Variants in MDGA2 observed in about 807,000 individuals in gnomAD.
MDGA2 encodes the protein MAM domain containing glycosylphosphatidylinositol anchor 2.
In MDGA2, 40 loss-of-function variants were observed where a neutral mutation model predicts 117.8. The ratio of observed to expected loss-of-function variants is 0.34; its 90% confidence interval spans 0.26 to 0.44. The LOEUF (loss-of-function observed/expected upper bound fraction) is 0.44. Among genes scored for constraint, MDGA2 ranks in the 20% least tolerant of loss-of-function variants. The probability of loss-of-function intolerance (pLI) is 1.00; values close to 1 mark genes in which losing one functional copy is unlikely to be tolerated. For synonymous variants in MDGA2, 452 were observed against 439.0 expected, an observed-to-expected ratio of 1.03 and a Z score of -0.37; for missense variants, 1,123 against 1,250.6, an observed-to-expected ratio of 0.90 and a Z score of 1.54.
intron 2 of MDGA2, among the ~76,000 whole-genome samples, chr14:47,221,840 T>C (rs1045681838): frequency 6.6e-6 from 1 of 151,906 alleles, no homozygotes; most frequent in African/African-American, 2.4e-5. Flanking sequence ...GGCAAATATA[T>C]ATATGTGTGT....
intron 8 of MDGA2, among the ~76,000 whole-genome samples, chr14:46,967,826 A>C (rs1886096177): frequency 6.6e-6 from 1 of 152,256 alleles, no homozygotes; most frequent in East Asian, 1.9e-4. Flanking sequence ...TAAGAGATGG[A>C]CAGCAATAAC....
intron 15 of MDGA2, among the ~76,000 whole-genome samples, chr14:46,848,342 C>G (rs1157100611): frequency 6.6e-6 from 1 of 151,914 alleles, no homozygotes; most frequent in Non-Finnish European, 1.5e-5. Flanking sequence ...ATTGCTTTCA[C>G]TTAGTAAGTT....
At chr14:46,955,460 T>C (rs754451307) in intron 9 of MDGA2, among the ~76,000 whole-genome samples, 2 of 152,100 alleles carry the variant, frequency 1.3e-5, no homozygotes, top group Non-Finnish European at 2.9e-5. Context: ...TAGTTAATTA[T>C]CTTTAACATG....
At chr14:47,632,050 T>A (rs1270583702) in intron 1 of MDGA2, among the ~76,000 whole-genome samples, 1 of 152,140 alleles carries the variant, frequency 6.6e-6, no homozygotes, top group African/African-American at 2.4e-5. Flanking sequence ...CACCTATGCA[T>A]GGACATGAAA....
chr14:46,864,760 A>G (rs911396823), intron 14 of MDGA2, among the ~76,000 whole-genome samples: 2 of 151,968 alleles, frequency 1.3e-5, no homozygotes, highest in African/African-American at 4.8e-5. Context: ...CTTAATATCA[A>G]CTATTATCAA....
intron 8 of MDGA2, among the ~76,000 whole-genome samples, chr14:46,985,784 G>A (rs1027872338): frequency 6.6e-6 from 1 of 152,002 alleles, no homozygotes; most frequent in African/African-American, 2.4e-5. Context: ...CACTTTTACG[G>A]ACCTTACATA....
intron 1 of MDGA2, among the ~76,000 whole-genome samples, chr14:47,599,005 TAGTAGAA>T (rs1348353822): frequency 6.6e-6 from 1 of 152,106 alleles, no homozygotes; most frequent in Non-Finnish European, 1.5e-5. Flanking sequence ...ATACCTAGTT[TAGTAGAA>T]AGTGTCTGAG....
In MDGA2 at chr14:47,609,428, C is replaced by CATATATATATATATACATAT. The variant is rs1555336022; in HGVS notation, c.280+65088_280+65089insATATGTATATATATATATAT. 2.0e-3 allele frequency among the ~76,000 whole-genome samples: 35 copies of CATATATATATATATACATAT among 17,564 alleles called. 2 individuals are homozygous for CATATATATATATATACATAT. The highest frequency in any genetic ancestry group is 0.011 in the East Asian group (2 of 190). 11.5% of individuals were successfully genotyped at this position (17,564 alleles called of 152,430 possible). ...TTTCTATGGCTGAGTAGTATTCCAT[C>CATATATATATATATACATAT]ATATATATATATATATATATATATA... On this transcript the variant is annotated intron_variant, in intron 1 of 16. Transcript: ENST00000399232.
At chr14:46,996,463 C>T (rs1037663593) in intron 8 of MDGA2, 1 of 152,204 alleles carries the variant, frequency 6.6e-6, no homozygotes, top group Non-Finnish European at 1.5e-5. Flanking sequence ...GCAGAGTCCT[C>T]TGGGGCTTTG....
chr14:47,217,741 T>C (rs1594730979), intron 3 of MDGA2, among the ~76,000 whole-genome samples: 2 of 152,054 alleles, frequency 1.3e-5, no homozygotes, highest in South Asian at 4.1e-4. Context: ...AATGTGTGCA[T>C]TAAAACCCTA....
chr14:46,899,462 T>C (rs894434098), intron 10 of MDGA2, among the ~76,000 whole-genome samples: 1 of 152,052 alleles, frequency 6.6e-6, no homozygotes, highest in African/African-American at 2.4e-5. Flanking sequence ...AGTTACGATT[T>C]GAGCTTTAGC....
intron 1 of MDGA2, among the ~76,000 whole-genome samples, chr14:47,416,886 A>G (rs111350464): frequency 0.011 from 1,670 of 152,180 alleles, 38 homozygotes; most frequent in African/African-American, 0.038. Flanking sequence ...ATGCACTTGC[A>G]CTCTGGGTTT....
chr14:46,889,333 A>G (rs1979670), intron 10 of MDGA2, among the ~76,000 whole-genome samples: 30,560 of 152,028 alleles, frequency 0.2, 4,125 homozygotes, highest in East Asian at 0.59. Context: ...TGCTCGTGCT[A>G]TTAACACCTT....
chr14:47,169,742 A>G (rs1296708207), intron 3 of MDGA2, among the ~76,000 whole-genome samples: 1 of 152,156 alleles, frequency 6.6e-6, no homozygotes, highest in Non-Finnish European at 1.5e-5. Flanking sequence ...TAAAATAACA[A>G]TGGCATAACA....
At chr14:47,672,062 G>A (rs925159606) in intron 1 of MDGA2, among the ~76,000 whole-genome samples, 2 of 152,084 alleles carry the variant, frequency 1.3e-5, no homozygotes, top group African/African-American at 4.8e-5. Flanking sequence ...TCTCAGAGGG[G>A]CCCAAAAATG....
At chr14:47,086,114 G>GTTTTT (rs1890889449) in intron 6 of MDGA2, among the ~76,000 whole-genome samples, 1 of 120,498 alleles carries the variant, frequency 8.3e-6, no homozygotes, top group East Asian at 3.1e-4. Flanking sequence ...TTTGTTTTTT[G>GTTTTT]TTTTTTGTTT....
chr14:47,214,413 AAATGATAAAAT>A, intron 3 of MDGA2, among the ~76,000 whole-genome samples: 1 of 152,194 alleles, frequency 6.6e-6, no homozygotes, highest in Middle Eastern at 3.2e-3. Context: ...TACAATTCTT[AAATGATAAAAT>A]TATAGGTCCT....
intron 1 of MDGA2, among the ~76,000 whole-genome samples, chr14:47,596,330 T>C (rs1252081921): frequency 6.6e-6 from 1 of 152,222 alleles, no homozygotes; most frequent in Non-Finnish European, 1.5e-5. Flanking sequence ...TGACTCACCC[T>C]AAGAACTGAA....
intron 10 of MDGA2, among the ~76,000 whole-genome samples, chr14:46,883,576 A>G (rs886370222): frequency 5.3e-5 from 8 of 152,062 alleles, no homozygotes; most frequent in African/African-American, 1.9e-4. Context: ...TAAAGTGTAT[A>G]ATAATTGGAA....
Sources: allele counts gnomAD v4.1 joint callset (sites outside exome capture counted in the v4.1 genomes callset), GRCh38; gene constraint gnomAD v4.1.1; transcripts MANE v1.5; gene names NCBI Gene and HGNC (gene_info 2026-07-23, HGNC 2026-07-21).